The following PTPRN2 variants were observed in gnomAD, a reference collection of about 807,000 sequenced individuals.
PTPRN2 encodes the protein protein tyrosine phosphatase receptor type N2.
A neutral mutation model predicts 118.8 loss-of-function variants in PTPRN2; 74 were observed. The ratio of observed to expected loss-of-function variants is 0.62; its 90% confidence interval spans 0.52 to 0.76. The LOEUF (loss-of-function observed/expected upper bound fraction) is 0.76, where lower values mean the gene tolerates loss of function less well. Ranked by LOEUF, PTPRN2 falls within the 30% of genes least tolerant of loss-of-function variation. The pLI is 0.00. For synonymous variants in PTPRN2, 641 were observed against 608.0 expected (o/e 1.05, Z -0.80); for missense variants, 1,481 against 1,394.4 (o/e 1.06, Z -0.99).
At chr7:158,385,152 A>G (rs1466676513) in intron 2 of PTPRN2, among the ~76,000 whole-genome samples, 1 of 152,236 alleles carries the variant, frequency 6.6e-6, no homozygotes, top group Non-Finnish European at 1.5e-5. Flanking sequence ...TCCTCTTCTG[A>G]TAACATCGAC....
chr7:158,530,419 G>A (rs1335916690), intron 1 of PTPRN2, among the ~76,000 whole-genome samples: 1 of 152,204 alleles, frequency 6.6e-6, no homozygotes, highest in Non-Finnish European at 1.5e-5. Flanking sequence ...GGAATGCTGG[G>A]GACCTGGACA....
At chr7:158,171,308 C>CATACATATATATATATATAT (rs1554571676) in intron 5 of PTPRN2, among the ~76,000 whole-genome samples, 1 of 48,678 alleles carries the variant, frequency 2.1e-5, no homozygotes, top group Admixed American at 2.6e-4. Flanking sequence ...TATATACACA[C>CATACATATATATATATATAT]ATATATATAT....
At chr7:158,037,945 AGACACATGGAGTGCATGATGTCTGAAT>A (rs1321109231) in intron 11 of PTPRN2, among the ~76,000 whole-genome samples, 1 of 152,226 alleles carries the variant, frequency 6.6e-6, no homozygotes, top group African/African-American at 2.4e-5. Context: ...TAGAGAAGCC[AGACACATGGAGTGCATGATGTCTGAAT>A]CCGCTAACCT....
At chr7:158,149,118 C>T (rs1820595486) in intron 6 of PTPRN2, among the ~76,000 whole-genome samples, 1 of 150,770 alleles carries the variant, frequency 6.6e-6, no homozygotes, top group African/African-American at 2.4e-5. Flanking sequence ...CTTTCCCCCT[C>T]AATGACACCC....
chr7:157,572,795 C>T (rs901998627), intron 19 of PTPRN2, among the ~76,000 whole-genome samples: 21 of 152,244 alleles, frequency 1.4e-4, no homozygotes, highest in Admixed American at 1.4e-3. Flanking sequence ...GTGCTGCCCT[C>T]TGGTCTGTGA....
intron 6 of PTPRN2, among the ~76,000 whole-genome samples, chr7:158,144,317 C>T (rs182277254): frequency 1.3e-5 from 2 of 152,114 alleles, no homozygotes; most frequent in Admixed American, 1.3e-4. Context: ...TACAGTGTTG[C>T]CAGCAGGAAA....
At chr7:158,008,043 G>A (rs1805772635) in intron 11 of PTPRN2, among the ~76,000 whole-genome samples, 1 of 147,236 alleles carries the variant, frequency 6.8e-6, no homozygotes, top group African/African-American at 2.5e-5. Flanking sequence ...GGGTGTGGGT[G>A]TGTGTGGAGG....
At chr7:158,277,909 G>A (rs1194425670) in intron 3 of PTPRN2, among the ~76,000 whole-genome samples, 1 of 152,128 alleles carries the variant, frequency 6.6e-6, no homozygotes, top group Admixed American at 6.5e-5. Flanking sequence ...TAAGAGAAAG[G>A]CTCTCAGCCG....
chr7:158,122,123 T>C (rs1817223675), intron 9 of PTPRN2, among the ~76,000 whole-genome samples: 1 of 152,116 alleles, frequency 6.6e-6, no homozygotes. Flanking sequence ...AATATTGCCG[T>C]AGAAGAGAAA....
Position 158,171,101 on chromosome 7 carries a change from T to C in PTPRN2, c.550-3810A>G, listed in dbSNP as rs183612763. 3.1e-4 allele frequency among the ~76,000 whole-genome samples: 39 copies of C among 125,072 alleles called. 3 individuals carry two copies. Among genetic ancestry groups the C allele is most frequent in the African/African-American group, 7.1e-4 (20 of 27,976 alleles). 82.1% of individuals were successfully genotyped at this position (125,072 alleles called of 152,430 possible). The stretch of plus-strand genomic sequence containing the variant: ...ACATATATATACACACATATATATA[T>C]ACACATATATATACACACATATATA... On this transcript the variant is annotated intron_variant, in intron 5 of 22. Coordinates refer to ENST00000389418, the MANE Select transcript of PTPRN2 (RefSeq NM_002847.5).
intron 11 of PTPRN2, among the ~76,000 whole-genome samples, chr7:158,080,353 A>T (rs1436290326): frequency 2.7e-5 from 4 of 146,982 alleles, no homozygotes; most frequent in Admixed American, 2.0e-4. Context: ...AAGTTCATAG[A>T]TTTAGCAATA....
In PTPRN2 at chr7:158,161,623, A is replaced by G. The variant is rs543400925; in HGVS notation, c.910+5308T>C. Among the ~76,000 whole-genome samples the G allele has an allele frequency of 2.0e-5, 3 of 152,280 alleles. No homozygotes were observed. The South Asian group carries it at 6.2e-4, about 32-fold the overall frequency. On this transcript the variant is annotated intron_variant, in intron 6 of 22. Coordinates refer to ENST00000389418, the MANE Select transcript of PTPRN2 (RefSeq NM_002847.5). ...CTCATTATAAAATGAAAAACCATAA[A>G]ACTCCTTAAAGGTAAGAGAGGAGAA...
intron 2 of PTPRN2, among the ~76,000 whole-genome samples, chr7:158,333,529 A>T (rs1804928891): frequency 6.8e-6 from 1 of 146,994 alleles, no homozygotes; most frequent in Admixed American, 6.7e-5. Context: ...ATAAGACCTG[A>T]CACTCGCAGA....
At chr7:158,326,575 C>G (rs922683205) in intron 2 of PTPRN2, among the ~76,000 whole-genome samples, 1 of 152,212 alleles carries the variant, frequency 6.6e-6, no homozygotes, top group Non-Finnish European at 1.5e-5. Context: ...TTCTCACATA[C>G]ACGTCCTCAC....
chr7:158,468,426 C>A (rs944744035), intron 2 of PTPRN2, among the ~76,000 whole-genome samples: 2 of 152,214 alleles, frequency 1.3e-5, no homozygotes, highest in Non-Finnish European at 2.9e-5. Flanking sequence ...ACAGTCACCT[C>A]GGGAAGCTTC....
intron 10 of PTPRN2, among the ~76,000 whole-genome samples, chr7:158,086,838 C>T (rs968690938): frequency 5.9e-5 from 9 of 152,278 alleles, no homozygotes; most frequent in African/African-American, 1.9e-4. Context: ...ACAGGATCAT[C>T]GACTGCCTAG....
Position 158,413,486 on chromosome 7 carries a change from G to A in PTPRN2, c.163+76249C>T, listed in dbSNP as rs141484658. 1.4e-3 allele frequency among the ~76,000 whole-genome samples: 206 copies of A among 152,350 alleles called. 1 individual carries two copies. Among genetic ancestry groups the A allele is most frequent in the African/African-American group, 4.7e-3 (197 of 41,582 alleles). ...AAGTCCTCTTCTCAACTAGGAAACT[G>A]GCCACTGTCCACTCTGGGCCTGTGA... On this transcript the variant is annotated intron_variant, in intron 2 of 22. Coordinates refer to ENST00000389418, the MANE Select transcript of PTPRN2 (RefSeq NM_002847.5).
intron 14 of PTPRN2, among the ~76,000 whole-genome samples, chr7:157,626,092 T>C (rs1803554039): frequency 6.6e-6 from 1 of 152,178 alleles, no homozygotes; most frequent in Admixed American, 6.5e-5. Flanking sequence ...GGTAAGCAAT[T>C]GGTCCACAGC....
At chr7:158,380,293 TA>T (rs1563222218) in intron 2 of PTPRN2, among the ~76,000 whole-genome samples, 1 of 152,190 alleles carries the variant, frequency 6.6e-6, no homozygotes, top group Non-Finnish European at 1.5e-5. Flanking sequence ...TATGAGCCTG[TA>T]AAATCAAAAA....
Sources: gnomAD v4.1 joint callset for allele counts (sites outside exome capture counted in the v4.1 genomes callset) on GRCh38, gnomAD v4.1.1 for gene constraint, MANE v1.5 for transcripts, NCBI Gene and HGNC (gene_info 2026-07-23, HGNC 2026-07-21) for gene names.